CDH13: variants seen among roughly 807,000 people sequenced by gnomAD.
The protein encoded by CDH13 is cadherin 13.
CDH13 carries 24 observed loss-of-function variants against 63.8 expected under a neutral mutation model. That is an observed-to-expected ratio of 0.38 (90% CI 0.27 to 0.53). The LOEUF (loss-of-function observed/expected upper bound fraction) is 0.53. Among genes scored for constraint, CDH13 ranks in the 20% least tolerant of loss-of-function variants. The pLI, the probability that CDH13 is intolerant of heterozygous loss-of-function variation, is 0.85. For missense variants in CDH13, 1,049 were observed against 903.1 expected, an observed-to-expected ratio of 1.16 and a Z score of -2.07; for synonymous variants, 503 against 355.3, an observed-to-expected ratio of 1.42 and a Z score of -4.67.
At chr16:83,572,122 T>C (rs1367032968) in intron 7 of CDH13, among the ~76,000 whole-genome samples, 9 of 151,876 alleles carry the variant, frequency 5.9e-5, no homozygotes, top group Non-Finnish European at 1.0e-4. Context: ...ATTTTTACAG[T>C]CATCATCAAA....
At chr16:82,817,270 A>C (rs1368271926) in intron 1 of CDH13, among the ~76,000 whole-genome samples, 1 of 152,046 alleles carries the variant, frequency 6.6e-6, no homozygotes, top group East Asian at 1.9e-4. Context: ...CCCAGTGGCC[A>C]TACAGGTCCA....
At chr16:83,116,700 G>A (rs1004017763) in intron 3 of CDH13, among the ~76,000 whole-genome samples, 1 of 152,180 alleles carries the variant, frequency 6.6e-6, no homozygotes, top group African/African-American at 2.4e-5. Context: ...ATGTGGTGAG[G>A]ATTGCACAAC....
At chr16:83,513,515 G>T (rs1285379192) in intron 7 of CDH13, among the ~76,000 whole-genome samples, 2 of 152,134 alleles carry the variant, frequency 1.3e-5, no homozygotes, top group African/African-American at 2.4e-5. Flanking sequence ...CTCACACACA[G>T]TTCTTTGTGG....
chr16:83,100,682 T>C (rs2034432477), intron 3 of CDH13, among the ~76,000 whole-genome samples: 1 of 152,226 alleles, frequency 6.6e-6, no homozygotes, highest in Non-Finnish European at 1.5e-5. Flanking sequence ...AAAGCATTAA[T>C]GATCCACTGG....
In CDH13 at chr16:83,716,527, A is replaced by G. The variant is rs564859007; in HGVS notation, c.1539-31581A>G. Among the ~76,000 whole-genome samples the G allele has an allele frequency of 1.2e-4, 18 of 152,248 alleles. No homozygotes were observed. In the East Asian group the frequency reaches 3.5e-3, roughly 29 times the overall value. ...GAGTCACAGTCTTGCTCTGTCACCCAGGCTGGAGTGCAGTGGTGCAGTCTC... is the reference window on the plus strand; with the variant it reads ...GAGTCACAGTCTTGCTCTGTCACCCGGGCTGGAGTGCAGTGGTGCAGTCTC... On this transcript the variant is annotated intron_variant, in intron 10 of 13. Coordinates refer to ENST00000567109, the MANE Select transcript of CDH13 (RefSeq NM_001257.5).
intron 6 of CDH13, among the ~76,000 whole-genome samples, chr16:83,484,818 C>T (rs929583973): frequency 6.6e-6 from 1 of 152,164 alleles, no homozygotes; most frequent in Non-Finnish European, 1.5e-5. Flanking sequence ...TCACTATCCC[C>T]CTGTGGGTAA....
At chr16:82,742,510 C>T (rs979163801) in intron 1 of CDH13, among the ~76,000 whole-genome samples, 1 of 151,990 alleles carries the variant, frequency 6.6e-6, no homozygotes, top group African/African-American at 2.4e-5. Flanking sequence ...TACTTTTGAG[C>T]CTTGACTTGT....
At chr16:82,678,303 T>A (rs1220886161) in intron 1 of CDH13, among the ~76,000 whole-genome samples, 1 of 143,504 alleles carries the variant, frequency 7.0e-6, no homozygotes, top group East Asian at 2.0e-4. Context: ...TGCAAATGCA[T>A]GGCATACAGA....
rs201452763 is a variant in CDH13 at position 83,344,909 on chromosome 16, G to A, written c.684G>A (p.Pro228=). The A allele has an allele frequency of 1.5e-4, 236 of 1,613,780 alleles. No individual in the cohort carries two copies. The highest frequency in any genetic ancestry group is 3.3e-4 in the Middle Eastern group (2 of 6,084). ...TCAATGGCAAAACTCTCGAGGGGCC[G>A]GTGCCTCTGGAAGTCATTGTGATTG... ...TDVNGKTLEG[P]VPLEVIVIDQ... The change falls in exon 6 of 14, where the codon CCG becomes CCA. Residue 228 remains proline, a synonymous_variant. Coordinates refer to ENST00000567109, the MANE Select transcript of CDH13 (RefSeq NM_001257.5).
At chr16:82,672,248 A>G (rs1913338598) in intron 1 of CDH13, among the ~76,000 whole-genome samples, 1 of 152,242 alleles carries the variant, frequency 6.6e-6, no homozygotes, top group Non-Finnish European at 1.5e-5. Context: ...GGTTATTATA[A>G]GAGTCAACTG....
At chr16:83,100,242 C>G (rs1427567529) in intron 3 of CDH13, among the ~76,000 whole-genome samples, 1 of 151,830 alleles carries the variant, frequency 6.6e-6, no homozygotes, top group East Asian at 1.9e-4. Flanking sequence ...GGGAGACAAA[C>G]AAAAATAATA....
At position 83,800,014 on chromosome 16, in the gene CDH13, A is replaced by G; in HGVS notation, c.*4984A>G. On this transcript the variant is annotated 3_prime_UTR_variant, in exon 14 of 14. Coordinates refer to ENST00000567109, the MANE Select transcript of CDH13 (RefSeq NM_001257.5). ...GATACTCATCAAATTAAGTAAGCGG[A>G]AAAATTTCCTCTCTCTCATACTATG... The G allele has an allele frequency of 6.6e-6, 1 of 152,236 alleles. No homozygotes were observed. 9.4% of individuals were successfully genotyped at this position (152,236 alleles called of 1,614,324 possible).
At chr16:83,656,491 C>T (rs1410549070) in intron 8 of CDH13, among the ~76,000 whole-genome samples, 3 of 152,070 alleles carry the variant, frequency 2.0e-5, no homozygotes, top group Non-Finnish European at 4.4e-5. Context: ...TGTGATTCCT[C>T]AGTAGAGAGG....
rs183732256 is a variant in CDH13 at position 83,007,114 on chromosome 16, G to T, written c.158-24896G>T. 3.6e-3 allele frequency among the ~76,000 whole-genome samples: 544 copies of T among 152,154 alleles called. 2 individuals carry two copies. The highest frequency in any genetic ancestry group is 5.6e-3 in the Non-Finnish European group (383 of 68,002). ...TTTTTGTATTTGTGGTAGAGACGGG[G>T]TTTCTCCATGTTGGTCAGGCTGGTC... On this transcript the variant is annotated intron_variant, in intron 2 of 13. Coordinates refer to ENST00000567109, the MANE Select transcript of CDH13 (RefSeq NM_001257.5).
chr16:83,084,361 C>T (rs1023790047), intron 3 of CDH13, among the ~76,000 whole-genome samples: 1 of 152,130 alleles, frequency 6.6e-6, no homozygotes, highest in Non-Finnish European at 1.5e-5. Flanking sequence ...TCATGTCTGT[C>T]CAGAAGTATT....
chr16:83,049,642 A>G (rs755110618), intron 3 of CDH13, among the ~76,000 whole-genome samples: 3 of 152,128 alleles, frequency 2.0e-5, no homozygotes, highest in Non-Finnish European at 2.9e-5. Context: ...TTTACTTTGC[A>G]TAATGTTGCA....
intron 2 of CDH13, among the ~76,000 whole-genome samples, chr16:82,948,860 C>G (rs10492866): frequency 0.18 from 26,947 of 152,100 alleles, 2,446 homozygotes; most frequent in Admixed American, 0.24. Flanking sequence ...CATCAATTTA[C>G]TGAACACATT....
At chr16:82,633,213 T>A (rs900587891) in intron 1 of CDH13, among the ~76,000 whole-genome samples, 3 of 152,166 alleles carry the variant, frequency 2.0e-5, no homozygotes, top group Admixed American at 6.5e-5. Flanking sequence ...TGGAGAACAG[T>A]GACAGCTGAG....
intron 2 of CDH13, among the ~76,000 whole-genome samples, chr16:82,906,000 G>T (rs2041633580): frequency 6.6e-6 from 1 of 151,996 alleles, no homozygotes; most frequent in African/African-American, 2.4e-5. Context: ...ACACATATGT[G>T]TATGTTTATA....
Sources: allele counts gnomAD v4.1 joint callset (sites outside exome capture counted in the v4.1 genomes callset), GRCh38; gene constraint gnomAD v4.1.1; transcripts MANE v1.5; gene names NCBI Gene and HGNC (gene_info 2026-07-23, HGNC 2026-07-21).